The following RFX3 variants were observed in gnomAD, a reference collection of about 807,000 sequenced individuals.
The protein encoded by RFX3 is transcription factor RFX3.
A neutral mutation model predicts 98.6 loss-of-function variants in RFX3; 14 were observed. The ratio of observed to expected loss-of-function variants is 0.14; its 90% CI spans 0.09 to 0.22. The LOEUF is 0.22. Among genes scored for constraint, RFX3 ranks in the 10% least tolerant of loss-of-function variants. The pLI, the probability that RFX3 is intolerant of heterozygous loss-of-function variation, is 1.00. For missense variants in RFX3, 639 were observed against 926.9 expected (o/e 0.69, Z 4.03); for synonymous variants, 383 against 328.4 (o/e 1.17, Z -1.80).
At chr9:3,330,168 CATCT>C in intron 4 of RFX3, 87 bp downstream of exon 4, 1 of 1,312,274 alleles carries the variant, frequency 7.6e-7, no homozygotes, top group East Asian at 2.5e-5. Context: ...GCCCCAGTCC[CATCT>C]GTGTTGTTCT....
At chr9:3,354,084 A>T (rs190557280) in intron 2 of RFX3, among the ~76,000 whole-genome samples, 1 of 152,188 alleles carries the variant, frequency 6.6e-6, no homozygotes, top group Admixed American at 6.6e-5. Context: ...TATACCACTT[A>T]AAATGAAAGC....
chr9:3,425,113 C>G (rs1416816954), intron 1 of RFX3, among the ~76,000 whole-genome samples: 2 of 152,148 alleles, frequency 1.3e-5, no homozygotes, highest in Non-Finnish European at 2.9e-5. Context: ...TGGCCCACAT[C>G]TGTGGTCCCA....
intron 6 of RFX3, among the ~76,000 whole-genome samples, chr9:3,290,488 A>G (rs1437417557): frequency 6.6e-6 from 1 of 152,200 alleles, no homozygotes; most frequent in Non-Finnish European, 1.5e-5. Flanking sequence ...CCAGAGTTTC[A>G]AAATATTGGC....
intron 1 of RFX3, among the ~76,000 whole-genome samples, chr9:3,506,802 C>G (rs1817145024): frequency 6.6e-6 from 1 of 151,692 alleles, no homozygotes; most frequent in Non-Finnish European, 1.5e-5. Context: ...CCACTGCCAG[C>G]TACATGATAC....
At chr9:3,315,575 T>C (rs1371982866) in intron 4 of RFX3, among the ~76,000 whole-genome samples, 3 of 152,052 alleles carry the variant, frequency 2.0e-5, no homozygotes, top group Non-Finnish European at 4.4e-5. Context: ...AAAAAATCAA[T>C]GAATCCAGGA....
chr9:3,386,260 A>G (rs979539406), intron 2 of RFX3, among the ~76,000 whole-genome samples: 1 of 152,192 alleles, frequency 6.6e-6, no homozygotes, highest in African/African-American at 2.4e-5. Flanking sequence ...AAAAACTCCA[A>G]ATTTTTTTTT....
At chr9:3,468,525 T>C (rs572674623) in intron 1 of RFX3, among the ~76,000 whole-genome samples, 5 of 152,216 alleles carry the variant, frequency 3.3e-5, no homozygotes, top group Non-Finnish European at 7.3e-5. Flanking sequence ...TGCTCCCTTT[T>C]GCCACGCAAA....
chr9:3,415,073 TA>T (rs1842859065), intron 1 of RFX3, among the ~76,000 whole-genome samples: 1 of 100,348 alleles, frequency 1.0e-5, no homozygotes, highest in Non-Finnish European at 1.8e-5. Flanking sequence ...TATATAAGTA[TA>T]TATATATTCT....
intron 6 of RFX3, among the ~76,000 whole-genome samples, chr9:3,291,373 AAAAACAAAACAAAAACAAAAAC>A (rs1827314217): frequency 1.4e-5 from 2 of 146,384 alleles, no homozygotes; most frequent in South Asian, 4.4e-4. Flanking sequence ...ATCCTTCTCA[AAAAACAAAACAAAAACAAAAAC>A]AAAACAAAAC....
intron 1 of RFX3, among the ~76,000 whole-genome samples, chr9:3,416,564 C>T (rs1213872262): frequency 6.6e-6 from 1 of 152,110 alleles, no homozygotes; most frequent in East Asian, 1.9e-4. Flanking sequence ...TATGTACACC[C>T]AATATGATTC....
intron 1 of RFX3, among the ~76,000 whole-genome samples, chr9:3,423,876 G>C (rs1843696037): frequency 6.7e-6 from 1 of 148,518 alleles, no homozygotes; most frequent in East Asian, 2.0e-4. Flanking sequence ...GGCCAGGCGC[G>C]GTGGCTCACG....
intron 15 of RFX3, among the ~76,000 whole-genome samples, chr9:3,245,665 C>T (rs1382788320): frequency 6.6e-6 from 1 of 152,124 alleles, no homozygotes; most frequent in Non-Finnish European, 1.5e-5. Context: ...GAGAAAGAGC[C>T]ATTAGTTGAT....
At chr9:3,478,226 A>G (rs1275574155) in intron 1 of RFX3, among the ~76,000 whole-genome samples, 1 of 151,946 alleles carries the variant, frequency 6.6e-6, no homozygotes, top group Non-Finnish European at 1.5e-5. Flanking sequence ...TTTTGTTAAA[A>G]CTGAACATTT....
chr9:3,469,915 A>C (rs939520940), intron 1 of RFX3, among the ~76,000 whole-genome samples: 13 of 152,186 alleles, frequency 8.5e-5, no homozygotes, highest in African/African-American at 3.1e-4. Flanking sequence ...AGCCTTTTCG[A>C]AGTACACCTA....
chr9:3,445,978 C>T (rs942633345), intron 1 of RFX3, among the ~76,000 whole-genome samples: 1 of 152,104 alleles, frequency 6.6e-6, no homozygotes, highest in African/African-American at 2.4e-5. Context: ...CCTCCTTTTA[C>T]ATGTACACCA....
chr9:3,324,116 GA>G, intron 4 of RFX3: 1 of 388,278 alleles, frequency 2.6e-6, no homozygotes, highest in Non-Finnish European at 5.7e-6. Flanking sequence ...AGGGACACAG[GA>G]AAACAGAAAA....
chr9:3,426,884 T>C (rs1014233995), intron 1 of RFX3, among the ~76,000 whole-genome samples: 2 of 152,112 alleles, frequency 1.3e-5, no homozygotes, highest in African/African-American at 2.4e-5. Context: ...ATAAATGTAA[T>C]GTATTTGAAT....
At chr9:3,364,559 T>A (rs979997548) in intron 2 of RFX3, 1 of 166,654 alleles carries the variant, frequency 6.0e-6, no homozygotes, top group Non-Finnish European at 1.3e-5. Flanking sequence ...ATGTGGCATA[T>A]CTTGGTTGAT....
At chr9:3,408,841 T>C (rs573127578) in intron 1 of RFX3, among the ~76,000 whole-genome samples, 1 of 152,256 alleles carries the variant, frequency 6.6e-6, no homozygotes, top group Admixed American at 6.5e-5. Context: ...TGCCTCTTTT[T>C]CCCCGTCCCT....
Sources: gnomAD v4.1 joint callset for allele counts (sites outside exome capture counted in the v4.1 genomes callset) on GRCh38, gnomAD v4.1.1 for gene constraint, MANE v1.5 for transcripts, NCBI Gene and HGNC (gene_info 2026-07-23, HGNC 2026-07-21) for gene names.